The following DUSP12 variants were observed in gnomAD, a reference collection of about 807,000 sequenced individuals.
DUSP12 encodes the protein dual specificity protein phosphatase 12.
Under a neutral mutation model 38.9 loss-of-function variants are expected in DUSP12, and 25 were observed. The observed-to-expected ratio is 0.64, with a 90% CI of 0.47 to 0.90. The LOEUF is 0.90. Ranked by LOEUF, DUSP12 falls within the 40% of genes least tolerant of loss-of-function variation. The pLI is 0.00. For synonymous variants in DUSP12, 153 were observed against 153.9 expected (o/e 0.99, Z 0.05); for missense variants, 403 against 427.0 (o/e 0.94, Z 0.50).
chr1:161,751,613 T>TG (rs200382520), intron 1 of DUSP12, 55 bp from the exon 2 acceptor site: 77,747 of 1,084,802 alleles, frequency 0.072, 1,631 homozygotes, highest in Non-Finnish European at 0.085. Flanking sequence ...GCTTTGTGTG[T>TG]TTTTTTTTTT....
intron 5 of DUSP12, among the ~76,000 whole-genome samples, chr1:161,754,418 AGT>A (rs1176101204): frequency 6.6e-6 from 1 of 152,218 alleles, no homozygotes; most frequent in Non-Finnish European, 1.5e-5. Context: ...TGGCTTTTAA[AGT>A]GTATTCACAG....
At chr1:161,750,925 T>TC (rs1284557393) in intron 1 of DUSP12, among the ~76,000 whole-genome samples, 2 of 150,986 alleles carry the variant, frequency 1.3e-5, no homozygotes, top group East Asian at 3.9e-4. Context: ...ACTCCATCCC[T>TC]CCCCCCAAAA....
intron 5 of DUSP12, among the ~76,000 whole-genome samples, chr1:161,754,779 G>A (rs917995438): frequency 6.6e-6 from 1 of 152,126 alleles, no homozygotes; most frequent in Non-Finnish European, 1.5e-5. Flanking sequence ...ATGAGATTTG[G>A]ATGGGGACAC....
At chr1:161,755,999 G>T (rs573144049) in intron 5 of DUSP12, among the ~76,000 whole-genome samples, 57 of 152,186 alleles carry the variant, frequency 3.7e-4, no homozygotes, top group African/African-American at 1.3e-3. Context: ...GTGATTACAG[G>T]CATCCGCCAC....
At chr1:161,750,971 G>T (rs577325964) in intron 1 of DUSP12, among the ~76,000 whole-genome samples, 1 of 152,272 alleles carries the variant, frequency 6.6e-6, no homozygotes, top group South Asian at 2.1e-4. Context: ...TTCTTGGTTG[G>T]ATTGGAGTAT....
chr1:161,756,706 A>G, intron 5 of DUSP12, 80 bp from the exon 6 acceptor site: 2 of 1,518,868 alleles, frequency 1.3e-6, no homozygotes, highest in South Asian at 2.5e-5. Flanking sequence ...TTGTTTTTAT[A>G]TCCTATATTG....
intron 1 of DUSP12, 65 bp from the exon 2 acceptor site, chr1:161,751,603 G>A (rs1684019564): frequency 2.6e-6 from 4 of 1,561,464 alleles, no homozygotes; most frequent in Non-Finnish European, 2.6e-6. Flanking sequence ...AGGGGGCTGG[G>A]CTTTGTGTGT....
chr1:161,756,130 T>C (rs1684104328), intron 5 of DUSP12, among the ~76,000 whole-genome samples: 2 of 152,190 alleles, frequency 1.3e-5, no homozygotes, highest in Admixed American at 6.5e-5. Context: ...TGCTGGGAAT[T>C]ACAGGTATGA....
Position 161,757,102 on chromosome 1 carries a change from G to A in DUSP12, c.*155G>A, listed in dbSNP as rs139252739. The A allele has an allele frequency of 9.8e-5, 63 of 639,788 alleles. No individual in the cohort carries two copies. In the Middle Eastern group the frequency reaches 2.2e-3, roughly 23 times the overall value. 39.6% of individuals were successfully genotyped at this position (639,788 alleles called of 1,614,324 possible). A position where few individuals can be genotyped will look rare whatever the true frequency, so the allele number is the denominator to read the frequency against. On this transcript the variant is annotated 3_prime_UTR_variant, in exon 6 of 6. Transcript: ENST00000367943. ...GTAACCTGGAAACTATGCTTTACAT[G>A]GCAATCAAAGCCTTTTGATCATGTA...
chr1:161,750,986 A>G (rs1406566705), intron 1 of DUSP12: 1 of 152,234 alleles, frequency 6.6e-6, no homozygotes, highest in African/African-American at 2.4e-5. Context: ...GAGTATAATA[A>G]TCGTTTAAAT....
chr1:161,756,486 T>TATATATAC (rs1684111641), intron 5 of DUSP12, among the ~76,000 whole-genome samples: 1 of 14,568 alleles, frequency 6.9e-5, no homozygotes, highest in South Asian at 1.5e-3. Context: ...TTAAAAGCTA[T>TATATATAC]ATATATATAT....
rs921543971 is a variant in DUSP12 at position 161,757,167 on chromosome 1, G to A, written c.*220G>A. 2.7e-6 allele frequency: 1 copy of A among 373,464 alleles called. No homozygotes were observed. Among genetic ancestry groups the A allele is most frequent in the South Asian group, 5.9e-5 (1 of 16,952 alleles). The allele number at this position is 373,464 out of a possible 1,614,324, so 23.1% of individuals were successfully genotyped here. ...TTAAAATCTTTTATAACCAGATACT[G>A]TCTGTGTTTCATATATTTTTAAAAG... On this transcript the variant is annotated 3_prime_UTR_variant, in exon 6 of 6. Coordinates refer to ENST00000367943, the MANE Select transcript of DUSP12 (RefSeq NM_007240.3).
At chr1:161,755,839 G>GT (rs2101697134) in intron 5 of DUSP12, among the ~76,000 whole-genome samples, 1 of 152,156 alleles carries the variant, frequency 6.6e-6, no homozygotes, top group African/African-American at 2.4e-5. Context: ...AAATTTGTTA[G>GT]TTTTTTTATT....
Position 161,751,972 on chromosome 1 carries a change from G to A in DUSP12, c.565G>A (p.Glu189Lys). Residue 189 changes from glutamate to lysine, a missense_variant, in exon 3 of 6, where the codon GAG becomes AAG. Coordinates refer to ENST00000367943, the MANE Select transcript of DUSP12 (RefSeq NM_007240.3). ...GCAATATCGTTTACAAAAGGTTACAGAGAAGTATCCAGGTAAGTAATAATT... is the reference window on the plus strand; with the variant it reads ...GCAATATCGTTTACAAAAGGTTACAAAGAAGTATCCAGGTAAGTAATAATT... ...YKQYRLQKVT[E>K]KYPELQNLPQ... is the part of the protein sequence containing the mutation. 6.2e-7 allele frequency: 1 copy of A among 1,606,326 alleles called. No individual in the cohort carries two copies. The highest frequency in any genetic ancestry group is 8.5e-7 in the Non-Finnish European group (1 of 1,175,222).
At position 161,752,369 on chromosome 1, in the gene DUSP12, A is replaced by G; in HGVS notation, c.579A>G (p.Glu193=). The G allele has an allele frequency of 6.3e-7, 1 of 1,599,676 alleles. No homozygotes were observed. The highest frequency in any genetic ancestry group is 8.6e-7 in the Non-Finnish European group (1 of 1,168,940). The change falls in exon 4 of 6, where the codon GAA becomes GAG. Residue 193 remains glutamate (E), a splice_region_variant and synonymous_variant. Coordinates refer to ENST00000367943, the MANE Select transcript of DUSP12 (RefSeq NM_007240.3). Reference sequence around the variant, plus strand: ...ATACATTTTAATTATGTCATATAGAATTGCAGAATTTACCTCAAGAACTCT... The same window carrying G: ...ATACATTTTAATTATGTCATATAGAGTTGCAGAATTTACCTCAAGAACTCT... ...RLQKVTEKYP[E]LQNLPQELFA... is the part of the protein sequence containing the mutation.
At position 161,749,925 on chromosome 1, in the gene DUSP12, G is replaced by A. The variant is rs1683986795; in HGVS notation, c.124G>A (p.Val42Ile). 2 of 1,613,818 alleles carry A rather than the reference G, an allele frequency of 1.2e-6. No individual in the cohort carries two copies. The highest frequency in any genetic ancestry group is 1.3e-5 in the African/African-American group (1 of 75,032). Residue 42 changes from valine to isoleucine, a missense_variant, in exon 1 of 6, where the codon GTC becomes ATC. Coordinates refer to ENST00000367943, the MANE Select transcript of DUSP12 (RefSeq NM_007240.3). ...PGLYFGGAAA[V>I]AEPDHLREAG... The stretch of plus-strand genomic sequence containing the variant: ...ATTGTATTTCGGTGGGGCCGCGGCC[G>A]TCGCGGAGCCAGATCACCTGAGGGA...
chr1:161,752,468 A>T lies in DUSP12; in HGVS notation c.674+4A>T, dbSNP rs1684041023. On this transcript the variant is annotated splice_donor_region_variant and intron_variant, in intron 4 of 5. Coordinates refer to ENST00000367943, the MANE Select transcript of DUSP12 (RefSeq NM_007240.3). ...TCTACAAGTGTAGAAAGTGCAGGTAAACTATTTTATATCCTTTGGATATTT... is the reference window on the plus strand; with the variant it reads ...TCTACAAGTGTAGAAAGTGCAGGTATACTATTTTATATCCTTTGGATATTT... 3.2e-6 allele frequency: 5 copies of T among 1,584,274 alleles called. No individual in the cohort carries two copies. The highest frequency in any genetic ancestry group is 4.3e-6 in the Non-Finnish European group (5 of 1,155,444).
At chr1:161,752,566 T>G (rs1480474033) in intron 4 of DUSP12, 102 bp downstream of exon 4, 12 of 799,832 alleles carry the variant, frequency 1.5e-5, no homozygotes, top group Non-Finnish European at 2.4e-5. Flanking sequence ...TTTTGTTTAA[T>G]TGAAATTTTT....
intron 1 of DUSP12, among the ~76,000 whole-genome samples, chr1:161,750,799 C>T (rs1351598752): frequency 6.6e-6 from 1 of 152,128 alleles, no homozygotes; most frequent in Non-Finnish European, 1.5e-5. Flanking sequence ...GTGGCTCTCG[C>T]CTGTAGTCCC....
Sources: allele counts gnomAD v4.1 joint callset (sites outside exome capture counted in the v4.1 genomes callset), GRCh38; gene constraint gnomAD v4.1.1; transcripts MANE v1.5; gene names NCBI Gene and HGNC (gene_info 2026-07-23, HGNC 2026-07-21).